The following ATR variants were observed in gnomAD, a reference collection of about 807,000 sequenced individuals.
ATR encodes the protein ATR checkpoint kinase.
In ATR, 142 loss-of-function variants were observed where a neutral mutation model predicts 305.3. The observed-to-expected ratio is 0.47, with a 90% CI of 0.41 to 0.53. The LOEUF (loss-of-function observed/expected upper bound fraction) is 0.53, where lower values mean the gene tolerates loss of function less well. ATR is among the 20% of genes least tolerant of loss of function. The pLI, the probability that ATR is intolerant of heterozygous loss-of-function variation, is 0.00. For synonymous variants in ATR, 1,050 were observed against 1,068.1 expected (o/e 0.98, Z 0.33); for missense variants, 2,135 against 3,133.1 (o/e 0.68, Z 7.60).
At chr3:142,554,065 G>A (rs540676221) in intron 10 of ATR, 50 bp from the exon 11 acceptor site, 3 of 1,434,096 alleles carry the variant, frequency 2.1e-6, no homozygotes, top group Admixed American at 4.3e-5. Flanking sequence ...AAATGTCAAG[G>A]TTGTACTGTA....
intron 24 of ATR, among the ~76,000 whole-genome samples, chr3:142,518,130 T>G (rs1356604824): frequency 1.3e-5 from 2 of 152,142 alleles, no homozygotes; most frequent in Non-Finnish European, 2.9e-5. Context: ...CATCTACAGG[T>G]GCTATACAAA....
chr3:142,485,256 C>T lies in ATR; in HGVS notation c.6105G>A (p.Trp2035Ter). The change falls in exon 36 of 47, where the codon TGG becomes TGA. Residue 2035 changes from tryptophan to a stop codon, truncating the protein, a stop_gained. Transcript: ENST00000350721. LOFTEE classifies it high-confidence loss of function. ...TGGCAAGGTAAAAATGCCCATCCTCCCATTCTGGCAGGCACGCGGTCACAT... is the reference window on the plus strand; with the variant it reads ...TGGCAAGGTAAAAATGCCCATCCTCTCATTCTGGCAGGCACGCGGTCACAT... Reference protein sequence around the residue: ...YKDVTACLPEWEDGHFYLAKY... With the variant: ...YKDVTACLPE The T allele has an allele frequency of 1.2e-6, 2 of 1,614,160 alleles. No individual in the cohort carries two copies. The highest frequency in any genetic ancestry group is 1.7e-6 in the Non-Finnish European group (2 of 1,180,022).
chr3:142,558,095 T>A lies in ATR; in HGVS notation c.1885+529A>T, dbSNP rs1269781781. On this transcript the variant is annotated intron_variant, in intron 8 of 46. Coordinates refer to ENST00000350721, the MANE Select transcript of ATR (RefSeq NM_001184.4). Reference sequence around the variant, plus strand: ...TTACAAAAAGAAAGGAAATGGGATATGTGGGGCAGGCTTTTATGTGTTACT... The same window carrying A: ...TTACAAAAAGAAAGGAAATGGGATAAGTGGGGCAGGCTTTTATGTGTTACT... 2.0e-5 allele frequency among the ~76,000 whole-genome samples: 3 copies of A among 152,336 alleles called. No homozygotes were observed. The East Asian group carries it at 5.8e-4, about 29-fold the overall frequency.
intron 36 of ATR, 72 bp from the exon 37 acceptor site, chr3:142,470,255 G>T (rs1176251212): frequency 7.9e-7 from 1 of 1,273,140 alleles, no homozygotes; most frequent in Non-Finnish European, 1.1e-6. Context: ...AAAATTTAAA[G>T]ATTCAAACTA....
In ATR at chr3:142,547,767, A is replaced by T. The variant is rs2108450965; in HGVS notation, c.3315T>A (p.Asp1105Glu). 6.2e-7 allele frequency: 1 copy of T among 1,613,986 alleles called. No homozygotes were observed. Among genetic ancestry groups the T allele is most frequent in the Non-Finnish European group, 8.5e-7 (1 of 1,179,934 alleles). ...TGATATCTCTCGGGCCCTGATATGG[A>T]TCATCACTGGATGCAAATGAGGCAA... Reference protein sequence around the residue: ...SILASFASSDDPYQGPRDIIS... With the variant: ...SILASFASSDEPYQGPRDIIS... Residue 1105 changes from aspartate (D) to glutamate (E), a missense_variant, in exon 16 of 47, where the codon GAT becomes GAA. By Grantham distance (45) the Asp-to-Glu change is conservative (BLOSUM62 2). This residue lies in a region of ATR where 530 missense variants were observed against 766.8 expected (regional missense o/e 0.69). Coordinates refer to ENST00000350721, the MANE Select transcript of ATR (RefSeq NM_001184.4).
chr3:142,452,790 C>T, intron 46 of ATR: 1 of 1,132,914 alleles, frequency 8.8e-7, no homozygotes, highest in Non-Finnish European at 1.1e-6. Flanking sequence ...TTGTGACATA[C>T]TGGTATCATG....
At chr3:142,573,439 G>C (rs2035337823) in intron 1 of ATR, among the ~76,000 whole-genome samples, 1 of 125,216 alleles carries the variant, frequency 8.0e-6, no homozygotes, top group Non-Finnish European at 1.6e-5. Context: ...GGATGACAGA[G>C]TGAGACTTCA....
At chr3:142,528,876 TATA>T (rs1378062193) in intron 21 of ATR, among the ~76,000 whole-genome samples, 4 of 70,372 alleles carry the variant, frequency 5.7e-5, no homozygotes, top group East Asian at 3.3e-4. Context: ...TATATATATA[TATA>T]TTTTTTTTTT....
At chr3:142,462,764 G>A (rs1046777174) in intron 41 of ATR, among the ~76,000 whole-genome samples, 4 of 152,034 alleles carry the variant, frequency 2.6e-5, no homozygotes, top group South Asian at 2.1e-4. Flanking sequence ...CACTGTGCCC[G>A]GCCAATTTTA....
At chr3:142,524,417 C>G (rs1055054275) in intron 21 of ATR, among the ~76,000 whole-genome samples, 2 of 152,070 alleles carry the variant, frequency 1.3e-5, no homozygotes, top group Non-Finnish European at 2.9e-5. Context: ...GTCTGAAAGT[C>G]TTTGATCATT....
intron 22 of ATR, 113 bp from the exon 23 acceptor site, chr3:142,522,954 G>C (rs2033209874): frequency 1.2e-6 from 1 of 840,680 alleles, no homozygotes; most frequent in Non-Finnish European, 2.0e-6. Context: ...ATTTAACTTA[G>C]ACAAAGGAAA....
At position 142,505,257 on chromosome 3, in the gene ATR, C is replaced by G. The variant is rs1375119564; in HGVS notation, c.5078G>C (p.Ser1693Thr). The G allele has an allele frequency of 6.2e-7, 1 of 1,614,092 alleles. No individual in the cohort carries two copies. The highest frequency in any genetic ancestry group is 8.5e-7 in the Non-Finnish European group (1 of 1,180,008). The change falls in exon 29 of 47, where the codon AGT (serine) becomes ACT (threonine). Residue 1693 changes from serine (S) to threonine (T), a missense_variant. Around this residue, in one of 9 missense-constraint regions of ATR, gnomAD observed 45 missense variants for 80.4 expected, o/e 0.56. Coordinates refer to ENST00000350721, the MANE Select transcript of ATR (RefSeq NM_001184.4). The stretch of plus-strand genomic sequence containing the variant: ...AGATGGTTCTGCCTTTCTAATTGCA[C>G]TGACTCCGGCCACTCCATCAGGTTC... The part of the protein sequence containing the change: ...MHEPDGVAGV[S>T]AIRKAEPSLK...
At position 142,563,129 on chromosome 3, in the gene ATR, GAT is replaced by G. The variant is rs758501300; in HGVS notation, c.293-22_293-21del. On this transcript the variant is annotated intron_variant, in intron 3 of 46. Transcript: ENST00000350721. The stretch of plus-strand genomic sequence containing the variant: ...TGAATTCTTTGAAATAAACAAAAAA[GAT>G]ATTAAATAAACAAGTATATCCGAAG... 2 of 1,590,696 alleles carry G rather than the reference GAT, an allele frequency of 1.3e-6. No homozygotes were observed. Among genetic ancestry groups the G allele is most frequent in the Admixed American group, 1.8e-5 (1 of 55,180 alleles).
intron 36 of ATR, among the ~76,000 whole-genome samples, chr3:142,475,918 A>G (rs2071429766): frequency 6.6e-6 from 1 of 152,094 alleles, no homozygotes; most frequent in African/African-American, 2.4e-5. Flanking sequence ...TGTCTGTTAT[A>G]TCCTTCGCCC....
At chr3:142,478,077 G>A (rs377332722) in intron 36 of ATR, among the ~76,000 whole-genome samples, 4 of 152,152 alleles carry the variant, frequency 2.6e-5, no homozygotes, top group East Asian at 1.9e-4. Context: ...GGTTTTTTGT[G>A]TCTCCATCTC....
At chr3:142,566,445 C>A (rs1244175165) in intron 2 of ATR, among the ~76,000 whole-genome samples, 184 bp from the exon 3 acceptor site, 2 of 151,910 alleles carry the variant, frequency 1.3e-5, no homozygotes, top group Non-Finnish European at 2.9e-5. Flanking sequence ...ATGTCAAGAT[C>A]CCGTCTCTAC....
intron 30 of ATR, among the ~76,000 whole-genome samples, chr3:142,501,434 A>ACCAACAGTGAACTTCTCTGC (rs1276516564): frequency 6.6e-6 from 1 of 152,200 alleles, no homozygotes; most frequent in Admixed American, 6.5e-5. Context: ...ATACCATCTG[A>ACCAACAGTGAACTTCTCTGC]CCAACAGTGA....
chr3:142,505,244 C>G lies in ATR; in HGVS notation c.5091G>C (p.Lys1697Asn). ...DGVAGVSAIR[K>N]AEPSLKEQIL... ...TCTGTTCTTTTAGAGATGGTTCTGC[C>G]TTTCTAATTGCACTGACTCCGGCCA... is the stretch of plus-strand genomic sequence containing the variant. The change falls in exon 29 of 47, where the codon AAG (lysine) becomes AAC (asparagine). Residue 1697 changes from lysine to asparagine, a missense_variant. Transcript: ENST00000350721. The G allele has an allele frequency of 6.2e-7, 1 of 1,614,030 alleles. No homozygotes were observed. Among genetic ancestry groups the G allele is most frequent in the Non-Finnish European group, 8.5e-7 (1 of 1,179,982 alleles).
intron 36 of ATR, among the ~76,000 whole-genome samples, chr3:142,477,700 C>T (rs1231637239): frequency 1.3e-5 from 2 of 152,102 alleles, no homozygotes; most frequent in African/African-American, 2.4e-5. Context: ...TGGTAGAATT[C>T]GGCTGTGAAT....
Sources: allele counts gnomAD v4.1 joint callset (sites outside exome capture counted in the v4.1 genomes callset), GRCh38; gene constraint gnomAD v4.1.1; regional missense constraint gnomAD v4.1.1; transcripts MANE v1.5; gene names NCBI Gene and HGNC (gene_info 2026-07-23, HGNC 2026-07-21).